Variants in NBEA observed in about 807,000 individuals in gnomAD.
The protein encoded by NBEA is neurobeachin, also known as lysosomal-trafficking regulator 2.
A neutral mutation model predicts 343.4 loss-of-function variants in NBEA; 44 were observed. The observed-to-expected ratio is 0.13, with a 90% CI of 0.10 to 0.16. The LOEUF is 0.16. Ranked by LOEUF, NBEA falls within the 10% of genes least tolerant of loss-of-function variation. The pLI is 1.00. For synonymous variants in NBEA, 1,175 were observed against 1,238.7 expected (o/e 0.95, Z 1.08); for missense variants, 2,555 against 3,631.3 (o/e 0.70, Z 7.62).
chr13:35,210,744 G>A (rs2050615), intron 32 of NBEA, among the ~76,000 whole-genome samples: 126,075 of 152,034 alleles, frequency 0.83, 52,493 homozygotes, highest in South Asian at 0.94. Flanking sequence ...TCACCCCTAA[G>A]TTTGCATTGT....
chr13:35,265,921 C>T (rs545924992), intron 34 of NBEA, among the ~76,000 whole-genome samples: 9 of 151,872 alleles, frequency 5.9e-5, no homozygotes, highest in African/African-American at 2.2e-4. Flanking sequence ...AAGTAATCTA[C>T]AGAGTAGGAG....
At chr13:35,304,661 T>C (rs2036775926) in intron 35 of NBEA, among the ~76,000 whole-genome samples, 1 of 152,146 alleles carries the variant, frequency 6.6e-6, no homozygotes, top group Admixed American at 6.6e-5. Flanking sequence ...TTTTTGACAG[T>C]CTGTTACCCT....
chr13:35,215,438 A>T (rs2074012810), intron 33 of NBEA, among the ~76,000 whole-genome samples: 1 of 151,520 alleles, frequency 6.6e-6, no homozygotes, highest in African/African-American at 2.4e-5. Context: ...TCCAATTGGG[A>T]GTTAGAAGCC....
chr13:35,498,934 C>T (rs1388357783), intron 41 of NBEA, among the ~76,000 whole-genome samples: 1 of 151,972 alleles, frequency 6.6e-6, no homozygotes, highest in Non-Finnish European at 1.5e-5. Flanking sequence ...TGTGGTGGTG[C>T]TGTTTAAAGA....
chr13:35,615,621 A>G (rs1307317761), intron 48 of NBEA, among the ~76,000 whole-genome samples: 4 of 152,174 alleles, frequency 2.6e-5, no homozygotes, highest in African/African-American at 9.7e-5. Context: ...CTGGGATTAC[A>G]GGCCTGAGCC....
chr13:35,331,989 C>CA (rs1172154917), intron 36 of NBEA, among the ~76,000 whole-genome samples: 1 of 151,888 alleles, frequency 6.6e-6, no homozygotes, highest in Admixed American at 6.6e-5. Context: ...ATAGCTTTAA[C>CA]AAAAATGACA....
chr13:35,324,945 T>G (rs1283728522), intron 36 of NBEA, among the ~76,000 whole-genome samples: 1 of 152,126 alleles, frequency 6.6e-6, no homozygotes, highest in Non-Finnish European at 1.5e-5. Flanking sequence ...AAATACCTTT[T>G]GAGTTTCATT....
At chr13:35,008,834 C>T (rs192169131) in intron 1 of NBEA, among the ~76,000 whole-genome samples, 12 of 152,266 alleles carry the variant, frequency 7.9e-5, no homozygotes, top group African/African-American at 2.6e-4. Context: ...TTGGGGTATA[C>T]TTACTTGCAA....
In NBEA at chr13:35,159,434, C is replaced by A; in HGVS notation, c.3263C>A (p.Ala1088Asp). The change falls in exon 22 of 59, where the codon GCC (alanine) becomes GAC (aspartate). Residue 1088 changes from alanine to aspartate, a missense_variant. Transcript: ENST00000379939. ...ACTTTAGTAGGTGGAGAGAATGGTG[C>A]CCTTGTGGAGGTTGAATCTCTGTTG... The part of the protein sequence containing the change: ...PETLVGGENG[A>D]LVEVESLLDN... The A allele has an allele frequency of 6.2e-7, 1 of 1,613,142 alleles. No homozygotes were observed. Among genetic ancestry groups the A allele is most frequent in the African/African-American group, 1.3e-5 (1 of 74,892 alleles).
intron 41 of NBEA, 103 bp downstream of exon 41, chr13:35,472,639 C>A (rs753221487): frequency 5.6e-5 from 62 of 1,097,694 alleles, no homozygotes; most frequent in Non-Finnish European, 6.3e-5. Flanking sequence ...GGAGCACATT[C>A]TCCTCTTTCT....
At chr13:35,063,570 C>A (rs2063541718) in intron 8 of NBEA, among the ~76,000 whole-genome samples, 1 of 151,922 alleles carries the variant, frequency 6.6e-6, no homozygotes, top group Non-Finnish European at 1.5e-5. Flanking sequence ...ATTCAGAGAA[C>A]AATTACATGC....
intron 17 of NBEA, among the ~76,000 whole-genome samples, chr13:35,135,513 T>A (rs2067668272): frequency 2.6e-5 from 4 of 152,114 alleles, no homozygotes; most frequent in Non-Finnish European, 4.4e-5. Context: ...AAGACTCAAT[T>A]ATATAAAGAT....
intron 41 of NBEA, among the ~76,000 whole-genome samples, chr13:35,538,399 CATT>C (rs1420612901): frequency 1.9e-4 from 29 of 152,206 alleles, no homozygotes; most frequent in Admixed American, 1.9e-3. Flanking sequence ...TATTTGGCAT[CATT>C]ATCATTCTTC....
intron 8 of NBEA, among the ~76,000 whole-genome samples, chr13:35,064,072 C>T (rs1011528201): frequency 1.6e-4 from 25 of 152,038 alleles, no homozygotes; most frequent in African/African-American, 4.3e-4. Context: ...TTTGAGATGC[C>T]TGATAGACAT....
intron 34 of NBEA, among the ~76,000 whole-genome samples, chr13:35,258,683 T>C (rs1419891843): frequency 6.6e-6 from 1 of 152,230 alleles, no homozygotes; most frequent in East Asian, 1.9e-4. Flanking sequence ...TTATTTTTCA[T>C]TTAATTGGCT....
chr13:35,341,514 A>G (rs530427048), intron 36 of NBEA, among the ~76,000 whole-genome samples: 2 of 152,220 alleles, frequency 1.3e-5, no homozygotes, highest in South Asian at 2.1e-4. Context: ...TCTAATCTCC[A>G]GAATATAAAA....
chr13:35,158,747 T>A (rs2069358479), intron 21 of NBEA, among the ~76,000 whole-genome samples: 1 of 152,112 alleles, frequency 6.6e-6, no homozygotes, highest in South Asian at 2.1e-4. Context: ...TTGAAATACT[T>A]AGCCTAAAAG....
chr13:35,079,274 G>T (rs535104299), intron 10 of NBEA, among the ~76,000 whole-genome samples: 39 of 152,214 alleles, frequency 2.6e-4, no homozygotes, highest in Middle Eastern at 3.4e-3. Flanking sequence ...GTAACTTCTC[G>T]TTGAATTAAA....
intron 47 of NBEA, 101 bp downstream of exon 47, chr13:35,593,548 G>C (rs1274586546): frequency 2.6e-6 from 2 of 769,168 alleles, no homozygotes; most frequent in East Asian, 2.9e-5. Context: ...TTGCAGCTTT[G>C]TTCCATCATA....
Sources: allele counts gnomAD v4.1 joint callset (sites outside exome capture counted in the v4.1 genomes callset), GRCh38; gene constraint gnomAD v4.1.1; transcripts MANE v1.5; gene names NCBI Gene and HGNC (gene_info 2026-07-23, HGNC 2026-07-21).